The following FAM3B variants were observed in gnomAD, a reference collection of about 807,000 sequenced individuals.
FAM3B encodes FAM3 metabolism regulating signaling molecule B.
A neutral mutation model predicts 28.4 loss-of-function variants in FAM3B; 29 were observed. The observed-to-expected ratio is 1.02, with a 90% CI of 0.76 to 1.39. The LOEUF (loss-of-function observed/expected upper bound fraction) is 1.39. Ranked by LOEUF, FAM3B falls within the 40% of genes most tolerant of loss-of-function variation. The pLI is 0.00. For missense variants in FAM3B, 266 were observed against 293.9 expected, an observed-to-expected ratio of 0.91 and a Z score of 0.69; for synonymous variants, 91 against 103.0, an observed-to-expected ratio of 0.88 and a Z score of 0.71.
At chr21:41,311,251 A>AAATATATTTAT (rs1555866518) in intron 1 of FAM3B, among the ~76,000 whole-genome samples, 1 of 35,078 alleles carries the variant, frequency 2.9e-5, no homozygotes, top group Non-Finnish European at 4.7e-5. Flanking sequence ...AAAAAAAAAA[A>AAATATATTTAT]ATATATATAT....
At chr21:41,330,238 C>T (rs891575879) in intron 2 of FAM3B, among the ~76,000 whole-genome samples, 1 of 151,930 alleles carries the variant, frequency 6.6e-6, no homozygotes, top group African/African-American at 2.4e-5. Flanking sequence ...CGACATGACA[C>T]TCCAAGGAAA....
At chr21:41,357,003 C>A (rs2089172926) in intron 7 of FAM3B, 105 bp from the exon 8 acceptor site, 2 of 631,660 alleles carry the variant, frequency 3.2e-6, no homozygotes, top group Non-Finnish European at 5.0e-6. Flanking sequence ...TTGGTTGGAG[C>A]AAATCCAAAT....
At chr21:41,310,993 T>C (rs1353176212) in intron 1 of FAM3B, among the ~76,000 whole-genome samples, 1 of 151,884 alleles carries the variant, frequency 6.6e-6, no homozygotes, top group South Asian at 2.1e-4. Context: ...GGAACCTTGA[T>C]TGACACCAAG....
chr21:41,306,581 C>A (rs2088684233), intron 1 of FAM3B, among the ~76,000 whole-genome samples: 1 of 152,146 alleles, frequency 6.6e-6, no homozygotes, highest in South Asian at 2.1e-4. Context: ...CTTGGGTGAC[C>A]AGGTGATTGT....
intron 6 of FAM3B, among the ~76,000 whole-genome samples, chr21:41,347,623 T>C (rs2089074945): frequency 6.6e-6 from 1 of 151,844 alleles, no homozygotes; most frequent in African/African-American, 2.4e-5. Context: ...CATGGTGGCA[T>C]GCACCTGTAG....
At chr21:41,327,241 G>A (rs980956871) in intron 2 of FAM3B, among the ~76,000 whole-genome samples, 3 of 152,184 alleles carry the variant, frequency 2.0e-5, no homozygotes, top group Admixed American at 6.5e-5. Flanking sequence ...CACAAACCAC[G>A]GATTCTTTTA....
intron 1 of FAM3B, among the ~76,000 whole-genome samples, chr21:41,306,541 T>C (rs556000974): frequency 6.6e-6 from 1 of 152,246 alleles, no homozygotes; most frequent in South Asian, 2.1e-4. Flanking sequence ...AGAAACGACA[T>C]TGATTTCCTT....
chr21:41,336,288 G>A (rs189537310), intron 2 of FAM3B, among the ~76,000 whole-genome samples: 20 of 152,324 alleles, frequency 1.3e-4, no homozygotes, highest in Non-Finnish European at 2.1e-4. Flanking sequence ...TTGGGAGGCC[G>A]AGGTGGGTGG....
At chr21:41,328,074 G>A (rs1190775051) in intron 2 of FAM3B, among the ~76,000 whole-genome samples, 1 of 152,214 alleles carries the variant, frequency 6.6e-6, no homozygotes, top group East Asian at 1.9e-4. Context: ...TGACAGCAGG[G>A]CCTGGTTAAA....
intron 2 of FAM3B, among the ~76,000 whole-genome samples, chr21:41,336,749 T>C (rs565197595): frequency 7.9e-5 from 12 of 152,336 alleles, no homozygotes; most frequent in African/African-American, 2.9e-4. Flanking sequence ...ATTTAGGTGC[T>C]CTGATGTTTG....
Position 41,304,399 on chromosome 21 carries a change from G to A in FAM3B, n.99+89G>A, listed in dbSNP as rs533243748. On this transcript the variant is annotated intron_variant and non_coding_transcript_variant, in intron 1 of 9. Transcript: ENST00000479810. The stretch of plus-strand genomic sequence containing the variant: ...CATCTGGGACCCTGAGCAGCCCGAG[G>A]GAGTCGCCCCCGAAGGGCCCCAGGT... 58 of 428,510 alleles carry A rather than the reference G, an allele frequency of 1.4e-4. 3 individuals are homozygous for A. The highest frequency in any genetic ancestry group is 9.4e-4 in the South Asian group (58 of 61,434). The allele number at this position is 428,510 out of a possible 1,614,324, so 26.5% of individuals were successfully genotyped here.
intron 2 of FAM3B, among the ~76,000 whole-genome samples, chr21:41,325,326 A>G (rs2088846517): frequency 6.6e-6 from 1 of 152,184 alleles, no homozygotes; most frequent in Non-Finnish European, 1.5e-5. Flanking sequence ...TTAATCTCCT[A>G]TAGAACAATG....
intron 1 of FAM3B, among the ~76,000 whole-genome samples, chr21:41,310,287 TAC>T (rs2088702316): frequency 6.6e-6 from 1 of 151,738 alleles, no homozygotes; most frequent in East Asian, 1.9e-4. Context: ...CACGTGACCA[TAC>T]ACACTCTTTT....
intron 3 of FAM3B, among the ~76,000 whole-genome samples, chr21:41,340,373 C>T (rs1184985012): frequency 1.3e-5 from 2 of 152,024 alleles, no homozygotes; most frequent in African/African-American, 2.4e-5. Context: ...AGGATGGTCT[C>T]GATCTCTTGA....
At chr21:41,322,841 A>G (rs1287719741) in intron 1 of FAM3B, 82 bp from the exon 2 acceptor site, 1 of 1,610,678 alleles carries the variant, frequency 6.2e-7, no homozygotes. Flanking sequence ...CGGGATGAAA[A>G]GCCACAGGGG....
chr21:41,312,361 C>T (rs1193552311), upstream of FAM3B, among the ~76,000 whole-genome samples: 1 of 152,138 alleles, frequency 6.6e-6, no homozygotes, highest in Non-Finnish European at 1.5e-5. Context: ...TCACACAGAC[C>T]TTCCCAGTGC....
At chr21:41,332,213 C>T (rs958603231) in intron 2 of FAM3B, among the ~76,000 whole-genome samples, 1 of 152,176 alleles carries the variant, frequency 6.6e-6, no homozygotes, top group Admixed American at 6.5e-5. Context: ...CACCTTCCAC[C>T]ATGATTGTGA....
intron 2 of FAM3B, among the ~76,000 whole-genome samples, chr21:41,325,974 A>C (rs1335486171): frequency 1.3e-5 from 2 of 152,248 alleles, no homozygotes; most frequent in Non-Finnish European, 2.9e-5. Flanking sequence ...ACTGAAACTG[A>C]TAGCAGAAGG....
chr21:41,308,037 G>A (rs1161111127), intron 1 of FAM3B, among the ~76,000 whole-genome samples: 1 of 152,190 alleles, frequency 6.6e-6, no homozygotes, highest in Non-Finnish European at 1.5e-5. Flanking sequence ...AGTGAGGTGT[G>A]CCTGTATTTC....
Sources: allele counts gnomAD v4.1 joint callset (sites outside exome capture counted in the v4.1 genomes callset), GRCh38; gene constraint gnomAD v4.1.1; transcripts MANE v1.5; gene names NCBI Gene and HGNC (gene_info 2026-07-23, HGNC 2026-07-21).